CDH18: variants seen among roughly 807,000 people sequenced by gnomAD.
CDH18 encodes cadherin-18.
Under a neutral mutation model 67.9 loss-of-function variants are expected in CDH18, and 31 were observed. The ratio of observed to expected loss-of-function variants is 0.46; its 90% CI spans 0.34 to 0.62. CDH18 has a LOEUF of 0.62. CDH18 is among the 20% of genes least tolerant of loss of function. The pLI is 0.01. For synonymous variants in CDH18, 362 were observed against 347.2 expected (o/e 1.04, Z -0.48); for missense variants, 890 against 975.5 (o/e 0.91, Z 1.17).
At chr5:19,816,232 T>C (rs995314676) in intron 3 of CDH18, among the ~76,000 whole-genome samples, 6 of 151,850 alleles carry the variant, frequency 4.0e-5, no homozygotes, top group African/African-American at 1.2e-4. Context: ...ATTCCTATCC[T>C]CTTTAATGGT....
chr5:20,228,971 T>C (rs746323469), intron 2 of CDH18, among the ~76,000 whole-genome samples: 5 of 152,088 alleles, frequency 3.3e-5, no homozygotes, highest in African/African-American at 4.8e-5. Context: ...ATGGGTTATG[T>C]TAAGTCATTT....
intron 8 of CDH18, among the ~76,000 whole-genome samples, chr5:19,545,967 G>A (rs982391512): frequency 3.3e-5 from 5 of 152,170 alleles, no homozygotes; most frequent in African/African-American, 1.2e-4. Context: ...AACCTATTGA[G>A]TATAGAGCAG....
intron 1 of CDH18, among the ~76,000 whole-genome samples, chr5:20,299,625 G>GGC (rs1381758418): frequency 1.3e-5 from 2 of 151,924 alleles, no homozygotes; most frequent in African/African-American, 4.8e-5. Context: ...CGGGCGTGGT[G>GGC]GTGCATGCCT....
chr5:20,271,924 C>CAG (rs201955881), intron 1 of CDH18, among the ~76,000 whole-genome samples: 5,922 of 146,582 alleles, frequency 0.04, 336 homozygotes, highest in East Asian at 0.29. Context: ...TGTAGAGAGG[C>CAG]AGAGAGAGAG....
chr5:20,301,862 TC>T (rs1012226371), intron 1 of CDH18, among the ~76,000 whole-genome samples: 1 of 139,010 alleles, frequency 7.2e-6, no homozygotes, highest in Admixed American at 8.3e-5. Context: ...AATAGAATAA[TC>T]CTTTTAAAGA....
chr5:19,646,487 G>A (rs1282664443), intron 5 of CDH18, among the ~76,000 whole-genome samples: 3 of 151,852 alleles, frequency 2.0e-5, no homozygotes, highest in African/African-American at 7.3e-5. Context: ...CTACAGGCAC[G>A]TACCACCATG....
At chr5:20,128,095 T>C (rs572495441) in intron 2 of CDH18, among the ~76,000 whole-genome samples, 9 of 152,146 alleles carry the variant, frequency 5.9e-5, no homozygotes, top group African/African-American at 1.9e-4. Flanking sequence ...CTAGGACATT[T>C]CAGTATCATC....
intron 1 of CDH18, among the ~76,000 whole-genome samples, chr5:20,375,042 A>G (rs1425092404): frequency 3.9e-5 from 6 of 152,160 alleles, no homozygotes; most frequent in Non-Finnish European, 7.4e-5. Flanking sequence ...AATTTTAAAT[A>G]TTTATATGAG....
intron 1 of CDH18, among the ~76,000 whole-genome samples, chr5:20,265,032 T>C (rs937112899): frequency 2.6e-4 from 40 of 152,272 alleles, no homozygotes; most frequent in African/African-American, 9.4e-4. Flanking sequence ...CCTGAAGATA[T>C]CTAAATAAAC....
intron 2 of CDH18, among the ~76,000 whole-genome samples, chr5:20,038,690 A>G (rs918248313): frequency 1.3e-5 from 2 of 152,158 alleles, no homozygotes; most frequent in African/African-American, 4.8e-5. Context: ...GATGAAATGT[A>G]TCTCAAAATA....
chr5:20,282,329 A>G (rs1645451865), intron 1 of CDH18, among the ~76,000 whole-genome samples: 1 of 152,188 alleles, frequency 6.6e-6, no homozygotes, highest in African/African-American at 2.4e-5. Flanking sequence ...TTGCCCATTC[A>G]GTATGATATT....
At chr5:19,524,743 ACT>A (rs142761221) in intron 9 of CDH18, among the ~76,000 whole-genome samples, 5,402 of 152,106 alleles carry the variant, frequency 0.036, 138 homozygotes, top group Non-Finnish European at 0.056. Flanking sequence ...TGAGTAAGTA[ACT>A]CTCTGCTCTT....
At chr5:19,568,327 T>A (rs975536709) in intron 8 of CDH18, among the ~76,000 whole-genome samples, 1 of 152,156 alleles carries the variant, frequency 6.6e-6, no homozygotes, top group Non-Finnish European at 1.5e-5. Flanking sequence ...TATGAGGTCA[T>A]GAAAATGGAA....
rs115176458 is a variant in CDH18, at chr5:19,804,653, A to G, written c.228+34106T>C. ...GGCCAGCAGGAAATTACTAACCAAT[A>G]TAAACATCATTAAAACAGATAAGAG... is the stretch of plus-strand genomic sequence containing the variant. On this transcript the variant is annotated intron_variant, in intron 3 of 12. Coordinates refer to ENST00000382275, the MANE Select transcript of CDH18 (RefSeq NM_004934.5). 5.1e-3 allele frequency among the ~76,000 whole-genome samples: 773 copies of G among 152,306 alleles called. 7 individuals carry two copies. The highest frequency in any genetic ancestry group is 0.018 in the African/African-American group (738 of 41,578).
chr5:20,545,585 C>T (rs1445893307), intron 1 of CDH18, among the ~76,000 whole-genome samples: 1 of 152,200 alleles, frequency 6.6e-6, no homozygotes, highest in African/African-American at 2.4e-5. Context: ...TATACGTTGG[C>T]ACCCTTTAGC....
At chr5:19,862,933 C>A (rs1175227846) in intron 2 of CDH18, among the ~76,000 whole-genome samples, 6 of 152,106 alleles carry the variant, frequency 3.9e-5, no homozygotes, top group Non-Finnish European at 5.9e-5. Context: ...GGCAAGGTCA[C>A]ATGAGAGAAC....
In CDH18 at chr5:20,125,873, C is replaced by T. The variant is rs187581877; in HGVS notation, c.-518+129571G>A. Among the ~76,000 whole-genome samples, 95 of 152,246 alleles carry T rather than the reference C, an allele frequency of 6.2e-4. No homozygotes were observed. In the South Asian group the frequency reaches 0.017, roughly 27 times the overall value. On this transcript the variant is annotated intron_variant, in intron 2 of 14. Transcript: ENST00000507958. ...TCATAAGACTCTCTCCCTACACTTG[C>T]TCAACCACTGTGCCCCAAAGCCATC...
intron 2 of CDH18, among the ~76,000 whole-genome samples, chr5:19,844,574 T>G (rs548642502): frequency 6.6e-6 from 1 of 152,306 alleles, no homozygotes; most frequent in South Asian, 2.1e-4. Flanking sequence ...GAAAATGGAC[T>G]AATACAGGAA....
chr5:20,450,279 G>A (rs946612264), intron 1 of CDH18, among the ~76,000 whole-genome samples: 3 of 152,016 alleles, frequency 2.0e-5, no homozygotes, highest in Admixed American at 6.6e-5. Flanking sequence ...CTTGGGAGGC[G>A]GAGGTTGCAG....
Sources: allele counts gnomAD v4.1 joint callset (sites outside exome capture counted in the v4.1 genomes callset), GRCh38; gene constraint gnomAD v4.1.1; transcripts MANE v1.5; gene names NCBI Gene and HGNC (gene_info 2026-07-23, HGNC 2026-07-21).